Variants in ATRNL1 observed in about 807,000 individuals in gnomAD.
ATRNL1 encodes the protein attractin-like protein 1.
Under a neutral mutation model 182.7 loss-of-function variants are expected in ATRNL1, and 95 were observed. The ratio of observed to expected loss-of-function variants is 0.52; its 90% confidence interval spans 0.44 to 0.62. The LOEUF (loss-of-function observed/expected upper bound fraction) is 0.62. ATRNL1 is among the 20% of genes least tolerant of loss of function. The probability of loss-of-function intolerance (pLI) is 0.00; values close to 1 mark genes in which losing one functional copy is unlikely to be tolerated. For missense variants in ATRNL1, 1,471 were observed against 1,679.5 expected, an observed-to-expected ratio of 0.88 and a Z score of 2.17; for synonymous variants, 576 against 568.3, an observed-to-expected ratio of 1.01 and a Z score of -0.19.
rs1461153809 is a variant in ATRNL1, at chr10:115,868,890, C to T, written c.4018+20899C>T. On this transcript the variant is annotated intron_variant, in intron 28 of 28. Coordinates refer to ENST00000355044, the MANE Select transcript of ATRNL1 (RefSeq NM_207303.4). ...TGTCGCCCAGGCTGGAGTGCAGTGG[C>T]GCGATCTCGGCTCACTGCAAGCTCC... Among the ~76,000 whole-genome samples the T allele has an allele frequency of 4.7e-5, 6 of 127,110 alleles. No homozygotes were observed. The East Asian group carries it at 1.4e-3, about 30-fold the overall frequency. 83.4% of individuals were successfully genotyped at this position (127,110 alleles called of 152,430 possible).
At chr10:115,785,498 C>T (rs187742002) in intron 27 of ATRNL1, among the ~76,000 whole-genome samples, 2 of 152,336 alleles carry the variant, frequency 1.3e-5, no homozygotes, top group South Asian at 2.1e-4. Flanking sequence ...GTGTTGATTG[C>T]TCATGCAATT....
At chr10:115,435,872 C>T (rs2134428676) in intron 21 of ATRNL1, among the ~76,000 whole-genome samples, 1 of 152,062 alleles carries the variant, frequency 6.6e-6, no homozygotes, top group African/African-American at 2.4e-5. Context: ...AACACTGTAC[C>T]TTGTTTTATT....
intron 21 of ATRNL1, among the ~76,000 whole-genome samples, chr10:115,456,322 A>T (rs1202297451): frequency 1.3e-5 from 2 of 152,210 alleles, no homozygotes; most frequent in Non-Finnish European, 2.9e-5. Context: ...GAATGAGTTC[A>T]TGCCCTTTGC....
chr10:115,935,523 T>G (rs2134605363), intron 28 of ATRNL1, among the ~76,000 whole-genome samples: 1 of 152,304 alleles, frequency 6.6e-6, no homozygotes, highest in African/African-American at 2.4e-5. Flanking sequence ...AGCGGCTTCC[T>G]TCTTATGGCT....
At chr10:115,271,035 G>A (rs1803220390) in intron 13 of ATRNL1, among the ~76,000 whole-genome samples, 1 of 152,046 alleles carries the variant, frequency 6.6e-6, no homozygotes, top group Non-Finnish European at 1.5e-5. Flanking sequence ...GTCCTGGAGT[G>A]ATATTTACTC....
At chr10:115,944,464 C>T (rs1953825261) in intron 28 of ATRNL1, among the ~76,000 whole-genome samples, 194 bp from the exon 29 acceptor site, 1 of 152,062 alleles carries the variant, frequency 6.6e-6, no homozygotes, top group Non-Finnish European at 1.5e-5. Flanking sequence ...CTTTCTTCTT[C>T]TTCCTTGGTG....
chr10:115,291,126 T>C (rs113231888), intron 15 of ATRNL1, among the ~76,000 whole-genome samples: 24 of 152,232 alleles, frequency 1.6e-4, no homozygotes, highest in African/African-American at 5.5e-4. Flanking sequence ...AAATAATGAT[T>C]TTGGAGCTGC....
At chr10:115,858,804 A>G (rs1951245307) in intron 28 of ATRNL1, among the ~76,000 whole-genome samples, 1 of 152,108 alleles carries the variant, frequency 6.6e-6, no homozygotes, top group African/African-American at 2.4e-5. Context: ...ATTACTTTTA[A>G]TTGGTTATGA....
intron 25 of ATRNL1, among the ~76,000 whole-genome samples, chr10:115,529,220 T>C (rs1851421500): frequency 6.6e-6 from 1 of 152,080 alleles, no homozygotes; most frequent in African/African-American, 2.4e-5. Context: ...TGAATTATTG[T>C]TTTAATCATT....
At position 115,113,469 on chromosome 10, in the gene ATRNL1, T is replaced by G. The variant is rs150876098; in HGVS notation, c.294-6716T>G. Reference sequence around the variant, plus strand: ...CTGTGTCCCCACCCAAATCTTATCTTGAATTACCACGTGTTGTGGGAGGGA... The same window carrying G: ...CTGTGTCCCCACCCAAATCTTATCTGGAATTACCACGTGTTGTGGGAGGGA... On this transcript the variant is annotated intron_variant, in intron 1 of 28. Transcript: ENST00000355044. Among the ~76,000 whole-genome samples the G allele has an allele frequency of 5.4e-3, 822 of 152,280 alleles. 3 individuals carry two copies. Among genetic ancestry groups the G allele is most frequent in the Middle Eastern group, 0.031 (9 of 294 alleles).
chr10:115,522,220 G>C (rs1554985418), intron 25 of ATRNL1, among the ~76,000 whole-genome samples: 2 of 152,154 alleles, frequency 1.3e-5, no homozygotes, highest in Admixed American at 6.6e-5. Context: ...TTTATAAAAA[G>C]AGGTTTATTT....
chr10:115,663,249 A>G (rs1468657761), intron 26 of ATRNL1, among the ~76,000 whole-genome samples: 1 of 152,112 alleles, frequency 6.6e-6, no homozygotes, highest in African/African-American at 2.4e-5. Flanking sequence ...CTCACAGGCT[A>G]GTAACTAGGC....
chr10:115,873,631 G>A (rs988431274), intron 28 of ATRNL1, among the ~76,000 whole-genome samples: 1 of 152,252 alleles, frequency 6.6e-6, no homozygotes, highest in South Asian at 2.1e-4. Context: ...GACCCTTTGG[G>A]CCAGAAGGAG....
chr10:115,365,217 A>C (rs1856967492), intron 19 of ATRNL1, among the ~76,000 whole-genome samples: 1 of 152,224 alleles, frequency 6.6e-6, no homozygotes, highest in South Asian at 2.1e-4. Flanking sequence ...TGGTCTATTC[A>C]GAGATTCAAA....
chr10:115,291,024 T>C (rs1231439659), intron 15 of ATRNL1, among the ~76,000 whole-genome samples: 1 of 152,214 alleles, frequency 6.6e-6, no homozygotes, highest in East Asian at 1.9e-4. Context: ...AGCCTTCACC[T>C]AGTGGCACAG....
At chr10:115,889,980 G>A (rs1224776373) in intron 28 of ATRNL1, among the ~76,000 whole-genome samples, 1 of 152,142 alleles carries the variant, frequency 6.6e-6, no homozygotes, top group African/African-American at 2.4e-5. Context: ...GTGTGCATTG[G>A]GGGAGTGGTG....
chr10:115,365,424 A>G (rs1233824738), intron 19 of ATRNL1, among the ~76,000 whole-genome samples: 1 of 151,120 alleles, frequency 6.6e-6, no homozygotes, highest in Non-Finnish European at 1.5e-5. Flanking sequence ...TTTCTTTATT[A>G]GTCTTGCTAG....
chr10:115,420,931 TA>T (rs1195208417), intron 20 of ATRNL1, among the ~76,000 whole-genome samples: 1 of 152,222 alleles, frequency 6.6e-6, no homozygotes. Flanking sequence ...GATAGACCAA[TA>T]AATTTGAAAA....
rs536518893 is a variant in ATRNL1 at position 115,121,458 on chromosome 10, T to C, written c.378-241T>C. On this transcript the variant is annotated intron_variant, in intron 2 of 28. Coordinates refer to ENST00000355044, the MANE Select transcript of ATRNL1 (RefSeq NM_207303.4). The stretch of plus-strand genomic sequence containing the variant: ...TTTAGAAAACAATGATACATACATA[T>C]GTCCTGTTAATAGATTTTGAAAGTT... 7.9e-5 allele frequency among the ~76,000 whole-genome samples: 12 copies of C among 152,292 alleles called. No individual in the cohort carries two copies. In the South Asian group the frequency reaches 2.3e-3, roughly 29 times the overall value.
Sources: gnomAD v4.1 joint callset for allele counts (sites outside exome capture counted in the v4.1 genomes callset) on GRCh38, gnomAD v4.1.1 for gene constraint, MANE v1.5 for transcripts, NCBI Gene and HGNC (gene_info 2026-07-23, HGNC 2026-07-21) for gene names.